The following PBRM1 variants were observed in gnomAD, a reference collection of about 807,000 sequenced individuals.
PBRM1 encodes the protein polybromo 1.
In PBRM1, 27 loss-of-function variants were observed where a neutral mutation model predicts 194.5. That is an observed-to-expected ratio of 0.14 (90% CI 0.10 to 0.19). The LOEUF is 0.19. PBRM1 is among the 10% of genes least tolerant of loss of function. The pLI is 1.00. For missense variants in PBRM1, 1,466 were observed against 2,077.2 expected, an observed-to-expected ratio of 0.71 and a Z score of 5.72; for synonymous variants, 655 against 693.2, an observed-to-expected ratio of 0.94 and a Z score of 0.87.
intron 10 of PBRM1, among the ~76,000 whole-genome samples, chr3:52,638,040 G>A (rs1048339878): frequency 4.6e-5 from 7 of 152,238 alleles, no homozygotes; most frequent in African/African-American, 1.4e-4. Context: ...AATGGGAACT[G>A]AAACAATTAT....
intron 13 of PBRM1, among the ~76,000 whole-genome samples, chr3:52,619,689 C>T (rs536410293): frequency 6.6e-6 from 1 of 152,278 alleles, no homozygotes; most frequent in East Asian, 1.9e-4. Context: ...ACTACTTGCA[C>T]TACTCCTGGG....
intron 24 of PBRM1, among the ~76,000 whole-genome samples, chr3:52,562,863 G>C (rs189806994): frequency 2.3e-4 from 35 of 151,926 alleles, no homozygotes; most frequent in African/African-American, 7.7e-4. Context: ...AATTCTGAAT[G>C]AGAAAAAAAT....
rs147217594 is a variant in PBRM1 at position 52,649,855 on chromosome 3, T to C, written c.715-1413A>G. Reference sequence around the variant, plus strand: ...AGGACAAGGACCTTGAATCGGGTGATGGCAAAAGGTGACTCTGAGACTTTT... The same window carrying C: ...AGGACAAGGACCTTGAATCGGGTGACGGCAAAAGGTGACTCTGAGACTTTT... On this transcript the variant is annotated intron_variant, in intron 6 of 29. Coordinates refer to ENST00000296302, the Ensembl canonical transcript of PBRM1. Among the ~76,000 whole-genome samples the C allele has an allele frequency of 5.8e-3, 885 of 152,190 alleles. 6 individuals are homozygous for C. Among genetic ancestry groups the C allele is most frequent in the African/African-American group, 0.019 (802 of 41,512 alleles).
intron 20 of PBRM1, among the ~76,000 whole-genome samples, chr3:52,581,210 T>C (rs1367874557): frequency 6.6e-6 from 1 of 152,140 alleles, no homozygotes; most frequent in Non-Finnish European, 1.5e-5. Context: ...TCTTGGAAAA[T>C]GATTAAGAAT....
At chr3:52,558,343 A>G in exon 26 of PBRM1, 1 of 1,550,226 alleles carries the variant, frequency 6.5e-7, no homozygotes, top group Non-Finnish European at 8.7e-7. Context: ...CTGCTCGGGG[A>G]GAAGCACTCG....
At chr3:52,641,695 A>G (rs2096093106) in intron 10 of PBRM1, among the ~76,000 whole-genome samples, 1 of 152,176 alleles carries the variant, frequency 6.6e-6, no homozygotes, top group African/African-American at 2.4e-5. Flanking sequence ...CTCACTATTT[A>G]TCATTATAGG....
intron 10 of PBRM1, among the ~76,000 whole-genome samples, chr3:52,639,868 C>G (rs546863260): frequency 6.6e-6 from 1 of 152,192 alleles, no homozygotes; most frequent in Admixed American, 6.5e-5. Flanking sequence ...AGTGTACCAG[C>G]CTGCATTGTT....
At chr3:52,660,734 A>C (rs931498691) in intron 4 of PBRM1, among the ~76,000 whole-genome samples, 1 of 152,102 alleles carries the variant, frequency 6.6e-6, no homozygotes, top group African/African-American at 2.4e-5. Context: ...GCTGGTCTCA[A>C]ACTCCTGACC....
chr3:52,612,041 C>T (rs1165584521), intron 15 of PBRM1, among the ~76,000 whole-genome samples: 6 of 151,112 alleles, frequency 4.0e-5, no homozygotes, highest in Admixed American at 6.6e-5. Context: ...GGGCAGATCA[C>T]GAGGTTAGGA....
chr3:52,579,099 C>G (rs1348177372), exon 21 of PBRM1: 2 of 1,614,094 alleles, frequency 1.2e-6, no homozygotes, highest in Non-Finnish European at 8.5e-7. Flanking sequence ...GATGAAGACA[C>G]AGTCGCCAAC....
Position 52,609,906 on chromosome 3 carries a change from C to A in PBRM1, c.1974G>T (p.Met658Ile), listed in dbSNP as rs1348496356. 1 of 1,547,048 alleles carries A rather than the reference C, an allele frequency of 6.5e-7. No individual in the cohort carries two copies. The highest frequency in any genetic ancestry group is 8.7e-7 in the Non-Finnish European group (1 of 1,147,452). Residue 658 changes from methionine to isoleucine, a missense_variant, in exon 16 of 30, where the codon ATG becomes ATT. Physicochemically the swap from Met to Ile is conservative, Grantham distance 10. Coordinates refer to ENST00000296302, the Ensembl canonical transcript of PBRM1. This position sits in a 1 kb window ranked among gnomAD's most constrained non-coding sequence, Gnocchi z 4.1. ...CATAGACCTCATTTAGTTTCTGCTG[C>A]ATTGGAGTCATGTATTTTGATTTTT...
chr3:52,649,870 CTG>C (rs1479556965), intron 6 of PBRM1, among the ~76,000 whole-genome samples: 5 of 152,048 alleles, frequency 3.3e-5, no homozygotes, highest in African/African-American at 1.2e-4. Flanking sequence ...AAAGGTGACT[CTG>C]AGACTTTTGG....
chr3:52,566,902 C>CTACTAAAAATACAAAAATTAG (rs2085394325), intron 22 of PBRM1, among the ~76,000 whole-genome samples: 3 of 151,994 alleles, frequency 2.0e-5, no homozygotes, highest in Non-Finnish European at 4.4e-5. Flanking sequence ...AACCCCGTCT[C>CTACTAAAAATACAAAAATTAG]TACTAAAAAT....
intron 11 of PBRM1, among the ~76,000 whole-genome samples, chr3:52,632,571 GA>G (rs1290415209): frequency 6.6e-6 from 1 of 151,104 alleles, no homozygotes; most frequent in African/African-American, 2.4e-5. Context: ...TTAACAAAAA[GA>G]AAAAAGCAAA....
At chr3:52,671,303 G>C (rs960003557) in intron 2 of PBRM1, among the ~76,000 whole-genome samples, 2 of 152,162 alleles carry the variant, frequency 1.3e-5, no homozygotes, top group Non-Finnish European at 2.9e-5. Flanking sequence ...ATTCCACAGA[G>C]GAGCGTCAGA....
chr3:52,619,586 T>C (rs1055028060), intron 13 of PBRM1, among the ~76,000 whole-genome samples: 7 of 152,078 alleles, frequency 4.6e-5, no homozygotes, highest in African/African-American at 1.7e-4. Context: ...GAGGTAAATA[T>C]TTTGTATCTG....
At chr3:52,586,491 A>C (rs2092408908) in exon 20 of PBRM1, 1 of 1,613,722 alleles carries the variant, frequency 6.2e-7, no homozygotes, top group Non-Finnish European at 8.5e-7. Flanking sequence ...TCTCATCATC[A>C]CCTTTATCTG....
At chr3:52,558,113 G>A in intron 26 of PBRM1, 136 bp downstream of exon 28, 2 of 637,078 alleles carry the variant, frequency 3.1e-6, no homozygotes, top group East Asian at 2.9e-5. Context: ...AGGCAATATA[G>A]GACAACATGG....
intron 25 of PBRM1, chr3:52,560,827 T>A (rs2083345443): frequency 6.6e-6 from 1 of 152,202 alleles, no homozygotes; most frequent in Non-Finnish European, 1.5e-5. Flanking sequence ...ATGACCTTTT[T>A]TTTTTTAAAG....
Sources: allele counts gnomAD v4.1 joint callset (sites outside exome capture counted in the v4.1 genomes callset), GRCh38; gene constraint gnomAD v4.1.1; non-coding constraint Gnocchi (gnomAD v3.1); transcripts MANE v1.5; gene names NCBI Gene and HGNC (gene_info 2026-07-23, HGNC 2026-07-21).